Variants in NUP188 observed in about 807,000 individuals in gnomAD.
NUP188 encodes nucleoporin 188.
Under a neutral mutation model 223.0 loss-of-function variants are expected in NUP188, and 97 were observed. The observed-to-expected ratio is 0.43, with a 90% CI of 0.37 to 0.51. NUP188 has a LOEUF of 0.51. Among genes scored for constraint, NUP188 ranks in the 20% least tolerant of loss-of-function variants. The pLI is 0.00. For synonymous variants in NUP188, 869 were observed against 828.0 expected, an observed-to-expected ratio of 1.05 and a Z score of -0.85; for missense variants, 1,947 against 2,175.6, an observed-to-expected ratio of 0.89 and a Z score of 2.09.
intron 11 of NUP188, 90 bp from the exon 12 acceptor site, chr9:128,973,070 C>T: frequency 1.6e-6 from 1 of 621,992 alleles, no homozygotes; most frequent in Non-Finnish European, 2.6e-6. Context: ...CATTTGTTTA[C>T]AAAGAATATA....
chr9:128,971,726 C>T (rs912602733), intron 11 of NUP188, among the ~76,000 whole-genome samples: 3 of 150,602 alleles, frequency 2.0e-5, no homozygotes, highest in Admixed American at 1.3e-4. Context: ...CTAGTGAGCT[C>T]GTTTTGACAT....
chr9:128,972,983 T>A (rs553912612), intron 11 of NUP188, among the ~76,000 whole-genome samples, 177 bp from the exon 12 acceptor site: 1 of 152,380 alleles, frequency 6.6e-6, no homozygotes, highest in East Asian at 1.9e-4. Flanking sequence ...TTGTGGTTCC[T>A]GCTTTCTCTT....
intron 8 of NUP188, among the ~76,000 whole-genome samples, chr9:128,968,074 T>C (rs554007125): frequency 6.6e-6 from 1 of 152,226 alleles, no homozygotes; most frequent in African/African-American, 2.4e-5. Flanking sequence ...CTGTGCAACA[T>C]AGCAAGACCT....
At chr9:128,953,023 A>C (rs1841816247) in intron 3 of NUP188, 177 bp downstream of exon 3, 1 of 541,620 alleles carries the variant, frequency 1.8e-6, no homozygotes, top group East Asian at 3.2e-5. Flanking sequence ...ACCGAAAGAA[A>C]AGGAAATTCC....
At chr9:128,968,185 C>T (rs140754774) in intron 8 of NUP188, among the ~76,000 whole-genome samples, 1 of 152,194 alleles carries the variant, frequency 6.6e-6, no homozygotes, top group Non-Finnish European at 1.5e-5. Context: ...AGGGCAGCTG[C>T]CATAAGCTAT....
Position 129,001,868 on chromosome 9 carries a change from C to T in NUP188, c.4045-16C>T. On this transcript the variant is annotated splice_polypyrimidine_tract_variant and intron_variant, in intron 35 of 43. Coordinates refer to ENST00000372577, the MANE Select transcript of NUP188 (RefSeq NM_015354.3). ...GGGCAGGCTCCATCTCATTTCCTGTCTTTCCCTCCTCCCAGGGAGCCACAG... is the reference window on the plus strand; with the variant it reads ...GGGCAGGCTCCATCTCATTTCCTGTTTTTCCCTCCTCCCAGGGAGCCACAG... 6.2e-7 allele frequency: 1 copy of T among 1,612,682 alleles called. No homozygotes were observed.
At chr9:128,994,801 T>A in intron 28 of NUP188, 55 bp from the exon 29 acceptor site, 1 of 1,396,786 alleles carries the variant, frequency 7.2e-7, no homozygotes, top group Non-Finnish European at 1.0e-6. Flanking sequence ...TTTGATATAC[T>A]GGGGGAGATC....
chr9:128,951,611 G>A (rs533860586), intron 2 of NUP188, among the ~76,000 whole-genome samples: 3 of 152,256 alleles, frequency 2.0e-5, no homozygotes, highest in African/African-American at 7.2e-5. Flanking sequence ...GTATTATGCA[G>A]CAACTTGAAA....
intron 3 of NUP188, 93 bp downstream of exon 3, chr9:128,952,939 G>T (rs556265748): frequency 9.9e-7 from 1 of 1,011,116 alleles, no homozygotes; most frequent in East Asian, 2.4e-5. Context: ...TGATATTGTA[G>T]GGTTATGTAT....
intron 2 of NUP188, among the ~76,000 whole-genome samples, chr9:128,950,860 C>A (rs1326271089): frequency 2.6e-5 from 4 of 152,124 alleles, no homozygotes; most frequent in African/African-American, 9.7e-5. Flanking sequence ...ATTACGCATT[C>A]CCTACTTCTT....
At chr9:128,968,467 T>A (rs756891787) in intron 8 of NUP188, 39 bp from the exon 9 acceptor site, 7 of 1,489,868 alleles carry the variant, frequency 4.7e-6, no homozygotes, top group Non-Finnish European at 5.6e-6. Context: ...TTTAATCTCA[T>A]GTTATTTCTC....
rs530495078 is a variant in NUP188 at position 128,949,792 on chromosome 9, C to T, written c.87+549C>T. ...TACAGGTGCATGCCACCACACCTGG[C>T]TAATTTTTGTATTTTTAGTGGAGAC... On this transcript the variant is annotated intron_variant, in intron 2 of 43. Coordinates refer to ENST00000372577, the MANE Select transcript of NUP188 (RefSeq NM_015354.3). 2.6e-5 allele frequency among the ~76,000 whole-genome samples: 4 copies of T among 152,104 alleles called. No individual in the cohort carries two copies. In the East Asian group the frequency reaches 7.7e-4, roughly 29 times the overall value.
At chr9:128,986,762 G>A (rs1842339401) in intron 21 of NUP188, 47 bp from the exon 22 acceptor site, 1 of 1,612,684 alleles carries the variant, frequency 6.2e-7, no homozygotes. Flanking sequence ...GAGATAAGGG[G>A]TCATTTCACA....
rs1841896120 is a variant in NUP188, at chr9:128,958,050, T to G, written c.368T>G (p.Leu123Arg). Reference sequence around the variant, plus strand: ...GAGAGGCAGAGCCAGGCCTTAATCCTGAAGGTCAGTAGTAGTCACCATTTC... The same window carrying G: ...GAGAGGCAGAGCCAGGCCTTAATCCGGAAGGTCAGTAGTAGTCACCATTTC... ...QDERQSQALI[L>R]KIADYYYEER... Residue 123 changes from leucine to arginine, a missense_variant, in exon 6 of 44, where the codon CTG becomes CGG. Physicochemically the swap from Leu to Arg is moderately radical, Grantham distance 102. Coordinates refer to ENST00000372577, the MANE Select transcript of NUP188 (RefSeq NM_015354.3). 1 of 1,611,800 alleles carries G rather than the reference T, an allele frequency of 6.2e-7. No individual in the cohort carries two copies. The highest frequency in any genetic ancestry group is 1.3e-5 in the African/African-American group (1 of 74,900).
intron 4 of NUP188, 50 bp downstream of exon 4, chr9:128,956,484 G>A (rs764078090): frequency 1.0e-6 from 1 of 957,268 alleles, no homozygotes; most frequent in Non-Finnish European, 1.6e-6. Flanking sequence ...GTGTGGATGT[G>A]CGTGGTTATA....
In NUP188 at chr9:128,993,769, G is replaced by T. The variant is rs967274151; in HGVS notation, c.3017+75G>T. 11 of 1,387,038 alleles carry T rather than the reference G, an allele frequency of 7.9e-6. No homozygotes were observed. The African/African-American group carries it at 9.9e-5, about 13-fold the overall frequency. 85.9% of individuals were successfully genotyped at this position (1,387,038 alleles called of 1,614,324 possible). On this transcript the variant is annotated intron_variant, in intron 27 of 43. Coordinates refer to ENST00000372577, the MANE Select transcript of NUP188 (RefSeq NM_015354.3). ...AGTAATAATAGCTCTTATCCCAGAGGTTTGTTGTGACAGTTCACTGGGAAT... is the reference window on the plus strand; with the variant it reads ...AGTAATAATAGCTCTTATCCCAGAGTTTTGTTGTGACAGTTCACTGGGAAT...
At chr9:128,983,109 A>G (rs1842280447) in intron 17 of NUP188, 81 bp downstream of exon 17, 11 of 1,568,372 alleles carry the variant, frequency 7.0e-6, no homozygotes, top group Middle Eastern at 3.7e-4. Flanking sequence ...ACCTGGACAC[A>G]TACCCACTGG....
Position 129,006,133 on chromosome 9 carries a change from CT to C in NUP188, c.4943+13del, listed in dbSNP as rs1842794200. ...GGACCAGGACGTTAAAGTAAGTGCT[CT>C]TTCTGGGATTTGATAAGGGGCTGGG... On this transcript the variant is annotated intron_variant, in intron 42 of 43. Coordinates refer to ENST00000372577, the MANE Select transcript of NUP188 (RefSeq NM_015354.3). The C allele has an allele frequency of 6.2e-7, 1 of 1,614,014 alleles. No homozygotes were observed. Among genetic ancestry groups the C allele is most frequent in the African/African-American group, 1.3e-5 (1 of 74,920 alleles).
chr9:128,981,137 A>G, intron 14 of NUP188, 127 bp from the exon 15 acceptor site: 1 of 1,124,352 alleles, frequency 8.9e-7, no homozygotes. Context: ...CGCAGAAGGC[A>G]GTTCCAAGAA....
Sources: allele counts gnomAD v4.1 joint callset (sites outside exome capture counted in the v4.1 genomes callset), GRCh38; gene constraint gnomAD v4.1.1; transcripts MANE v1.5; gene names NCBI Gene and HGNC (gene_info 2026-07-23, HGNC 2026-07-21).